ANKRD33B: variants seen among roughly 807,000 people sequenced by gnomAD.
ANKRD33B encodes the protein ankyrin repeat domain 33B.
In ANKRD33B, 6 loss-of-function variants were observed where a neutral mutation model predicts 21.5. That is an observed-to-expected ratio of 0.28 (90% CI 0.15 to 0.55). The LOEUF (loss-of-function observed/expected upper bound fraction) is 0.55. Among genes scored for constraint, ANKRD33B ranks in the 20% least tolerant of loss-of-function variants. The pLI is 0.94. For missense variants in ANKRD33B, 698 were observed against 747.2 expected, an observed-to-expected ratio of 0.93 and a Z score of 0.77; for synonymous variants, 347 against 342.4, an observed-to-expected ratio of 1.01 and a Z score of -0.15.
chr5:10,643,676 C>T (rs1320167913), intron 3 of ANKRD33B, among the ~76,000 whole-genome samples: 3 of 151,822 alleles, frequency 2.0e-5, no homozygotes, highest in Non-Finnish European at 2.9e-5. Context: ...AAAATTTAGC[C>T]GGGCATGGTA....
intron 1 of ANKRD33B, among the ~76,000 whole-genome samples, chr5:10,571,205 AT>A (rs1303370288): frequency 6.6e-6 from 1 of 151,490 alleles, no homozygotes; most frequent in Non-Finnish European, 1.5e-5. Context: ...TTATTTGTTT[AT>A]TTATTTATTT....
intron 1 of ANKRD33B, among the ~76,000 whole-genome samples, chr5:10,602,839 G>GT (rs1257973957): frequency 2.1e-5 from 3 of 144,748 alleles, no homozygotes; most frequent in African/African-American, 5.1e-5. Flanking sequence ...TTGAGACAGT[G>GT]TTTCAGTCTG....
At chr5:10,577,387 C>T (rs1735347037) in intron 1 of ANKRD33B, among the ~76,000 whole-genome samples, 1 of 152,338 alleles carries the variant, frequency 6.6e-6, no homozygotes, top group Non-Finnish European at 1.5e-5. Flanking sequence ...GCCTCAGCCT[C>T]CCGTAGATTA....
In ANKRD33B at chr5:10,607,861, G is replaced by A. The variant is rs547087062; in HGVS notation, c.367-10472G>A. On this transcript the variant is annotated intron_variant, in intron 1 of 3. Transcript: ENST00000296657. ...CTTATTTAAAGCTCCTTGTTACTGA[G>A]TGCCTCCTAGCAGCAGTTTCCTTTA... Among the ~76,000 whole-genome samples, 22 of 152,266 alleles carry A rather than the reference G, an allele frequency of 1.4e-4. 2 individuals are homozygous for A. In the South Asian group the frequency reaches 4.4e-3, roughly 30 times the overall value.
At chr5:10,615,092 G>GAA (rs1318443057) in intron 1 of ANKRD33B, among the ~76,000 whole-genome samples, 1 of 152,098 alleles carries the variant, frequency 6.6e-6, no homozygotes, top group Non-Finnish European at 1.5e-5. Flanking sequence ...GGGTGGTCCT[G>GAA]AAAGAGACCT....
At chr5:10,646,429 C>G (rs113770618) in intron 3 of ANKRD33B, among the ~76,000 whole-genome samples, 8 of 152,222 alleles carry the variant, frequency 5.3e-5, no homozygotes, top group African/African-American at 1.7e-4. Context: ...CAGCAGATCC[C>G]TAATTTATAG....
rs1579764670 is a variant in ANKRD33B at position 10,651,378 on chromosome 5, T to C, written c.*1265T>C. On this transcript the variant is annotated 3_prime_UTR_variant, in exon 4 of 4. Transcript: ENST00000296657. ...GGCCACAAGCTCTTGGTGAGAGTCT[T>C]ATGTCCACACTTTTATCTCCAAAGT... 1 of 152,384 alleles carries C rather than the reference T, an allele frequency of 6.6e-6. No individual in the cohort carries two copies. 9.4% of individuals were successfully genotyped at this position (152,384 alleles called of 1,614,324 possible).
At chr5:10,648,490 T>G (rs1737239948) in intron 3 of ANKRD33B, among the ~76,000 whole-genome samples, 1 of 152,276 alleles carries the variant, frequency 6.6e-6, no homozygotes, top group Non-Finnish European at 1.5e-5. Context: ...CCAGGCGCAG[T>G]GGCTCACGCC....
At chr5:10,571,765 TG>T (rs1268851118) in intron 1 of ANKRD33B, among the ~76,000 whole-genome samples, 1 of 152,168 alleles carries the variant, frequency 6.6e-6, no homozygotes, top group Non-Finnish European at 1.5e-5. Flanking sequence ...CCAGAGATGG[TG>T]GTTCCCAGCT....
chr5:10,602,026 A>G (rs911382112), intron 1 of ANKRD33B, among the ~76,000 whole-genome samples: 1 of 152,276 alleles, frequency 6.6e-6, no homozygotes, highest in Non-Finnish European at 1.5e-5. Context: ...ATTTATATAT[A>G]GCAGAGACTG....
rs3822410 is a variant in ANKRD33B at position 10,654,657 on chromosome 5, C to G, written c.*4544C>G. On this transcript the variant is annotated 3_prime_UTR_variant, in exon 4 of 4. Transcript: ENST00000296657. ...CTTCAGTCCCTCTGAGTTGCCTCTT[C>G]TGGATGGAACGTGTGTATCAACAAC... 0.33 allele frequency: 50,231 copies of G among 152,130 alleles called. 8,351 individuals carry two copies. The highest frequency in any genetic ancestry group is 0.39 in the African/African-American group (16,266 of 41,410). The allele number at this position is 152,130 out of a possible 1,614,324, so 9.4% of individuals were successfully genotyped here.
At chr5:10,603,301 C>T (rs1735971880) in intron 1 of ANKRD33B, among the ~76,000 whole-genome samples, 1 of 151,758 alleles carries the variant, frequency 6.6e-6, no homozygotes, top group South Asian at 2.1e-4. Context: ...CTCATTCCCT[C>T]GCCCAGGCTG....
chr5:10,628,563 C>A (rs1280995501), intron 2 of ANKRD33B, among the ~76,000 whole-genome samples: 1 of 152,302 alleles, frequency 6.6e-6, no homozygotes, highest in East Asian at 1.9e-4. Context: ...TCAAGTGATC[C>A]TCTAGCCTCA....
intron 2 of ANKRD33B, among the ~76,000 whole-genome samples, chr5:10,631,815 A>T (rs1031583654): frequency 7.2e-5 from 11 of 152,238 alleles, no homozygotes; most frequent in African/African-American, 2.4e-4. Context: ...AGAGGACATG[A>T]AAACCCTCAC....
At chr5:10,637,645 T>C (rs1736902303) in intron 2 of ANKRD33B, among the ~76,000 whole-genome samples, 1 of 152,082 alleles carries the variant, frequency 6.6e-6, no homozygotes, top group African/African-American at 2.4e-5. Context: ...TGCATCTGTT[T>C]GCACGGGCGT....
chr5:10,617,827 C>T (rs1254865285), intron 1 of ANKRD33B, among the ~76,000 whole-genome samples: 1 of 152,210 alleles, frequency 6.6e-6, no homozygotes, highest in African/African-American at 2.4e-5. Flanking sequence ...AGTTGGGGCC[C>T]TTGCTTGAGC....
At chr5:10,611,337 T>G (rs1362109960) in intron 1 of ANKRD33B, among the ~76,000 whole-genome samples, 1 of 152,192 alleles carries the variant, frequency 6.6e-6, no homozygotes, top group Non-Finnish European at 1.5e-5. Context: ...TATTTGGACT[T>G]TTTCTCATAA....
chr5:10,605,946 A>G (rs796404709), intron 1 of ANKRD33B, among the ~76,000 whole-genome samples: 18 of 152,352 alleles, frequency 1.2e-4, no homozygotes, highest in African/African-American at 3.8e-4. Context: ...AAGTGAATCA[A>G]TGGTTGGAAG....
chr5:10,619,495 G>A lies in ANKRD33B; in HGVS notation c.496+1033G>A, dbSNP rs570940664. On this transcript the variant is annotated intron_variant, in intron 2 of 3. Coordinates refer to ENST00000296657, the MANE Select transcript of ANKRD33B (RefSeq NM_001164440.2). The surrounding 1 kb of genome is among the most constrained non-coding windows in gnomAD (Gnocchi z 4.5). ...CACCCTGGGTGGATCTGATGGGTGGGGGGCCAGGGAGGCTGGAAAACCAGT... is the reference window on the plus strand; with the variant it reads ...CACCCTGGGTGGATCTGATGGGTGGAGGGCCAGGGAGGCTGGAAAACCAGT... 6.0e-5 allele frequency: 33 copies of A among 550,124 alleles called. No individual in the cohort carries two copies. The highest frequency in any genetic ancestry group is 4.3e-4 in the East Asian group (3 of 6,908). The allele number at this position is 550,124 out of a possible 1,614,324, so 34.1% of individuals were successfully genotyped here.
Sources: allele counts gnomAD v4.1 joint callset (sites outside exome capture counted in the v4.1 genomes callset), GRCh38; gene constraint gnomAD v4.1.1; non-coding constraint Gnocchi (gnomAD v3.1); transcripts MANE v1.5; gene names NCBI Gene and HGNC (gene_info 2026-07-23, HGNC 2026-07-21).